PRG3: variants seen among roughly 807,000 people sequenced by gnomAD.
The protein encoded by PRG3 is proteoglycan 3.
In PRG3, 25 loss-of-function variants were observed where a neutral mutation model predicts 26.1. The ratio of observed to expected loss-of-function variants is 0.96; its 90% CI spans 0.70 to 1.34. PRG3 has a LOEUF of 1.34. PRG3 is among the 40% of genes most tolerant of loss of function. PRG3 has a pLI of 0.00. For missense variants in PRG3, 280 were observed against 264.8 expected, an observed-to-expected ratio of 1.06 and a Z score of -0.40; for synonymous variants, 111 against 100.4, an observed-to-expected ratio of 1.11 and a Z score of -0.63.
At chr11:57,377,423 C>T (rs1856954974) in intron 5 of PRG3, among the ~76,000 whole-genome samples, 1 of 152,170 alleles carries the variant, frequency 6.6e-6, no homozygotes, top group Admixed American at 6.5e-5. Flanking sequence ...CGCCTTATAT[C>T]CACTTCCGCT....
At position 57,378,076 on chromosome 11, in the gene PRG3, G is replaced by A. The variant is rs564810387; in HGVS notation, c.508-240C>T. Among the ~76,000 whole-genome samples the A allele has an allele frequency of 9.2e-5, 14 of 152,274 alleles. No individual in the cohort carries two copies. In the South Asian group the frequency reaches 2.7e-3, roughly 29 times the overall value. ...CTCCTGGGGATCTTGTTAAAATGGA[G>A]GTTCTGATTCAAGAGGTCTGTGGTG... On this transcript the variant is annotated intron_variant, in intron 4 of 5. Transcript: ENST00000287143.
At chr11:57,379,353 A>C in intron 3 of PRG3, 141 bp downstream of exon 3, 1 of 876,558 alleles carries the variant, frequency 1.1e-6, no homozygotes, top group African/African-American at 1.7e-5. Context: ...AGGCCCAGAA[A>C]GCTGTGTTTT....
rs143922292 is a variant in PRG3, at chr11:57,379,711, G to T, written c.158C>A (p.Thr53Lys). ...TCCCTCTGCCTGAATCACCTCCTCC[G>T]TCAGAGCCAAGTCTCTCTCCTGCTC... ...SKEQERDLAL[T>K]EEVIQAEGEE... Residue 53 changes from threonine (T) to lysine (K), a missense_variant, in exon 3 of 6, where the codon ACG becomes AAG. Transcript: ENST00000287143. 1.3e-4 allele frequency: 210 copies of T among 1,613,778 alleles called. No individual in the cohort carries two copies. Among genetic ancestry groups the T allele is most frequent in the Non-Finnish European group, 1.7e-4 (198 of 1,180,024 alleles).
At chr11:57,379,985 AC>A (rs1174467949) in intron 2 of PRG3, among the ~76,000 whole-genome samples, 178 bp from the exon 3 acceptor site, 2 of 152,168 alleles carry the variant, frequency 1.3e-5, no homozygotes, top group Non-Finnish European at 2.9e-5. Flanking sequence ...ATGGACAAGA[AC>A]CTGACTTCTG....
At chr11:57,380,416 C>CAAA (rs869309070) in intron 2 of PRG3, among the ~76,000 whole-genome samples, 3 of 10,594 alleles carry the variant, frequency 2.8e-4, no homozygotes, top group African/African-American at 4.3e-4. Context: ...AAACAAAAAA[C>CAAA]AAACAAAAAA....
intron 4 of PRG3, among the ~76,000 whole-genome samples, chr11:57,378,461 A>G (rs989256867): frequency 2.0e-5 from 3 of 152,204 alleles, no homozygotes; most frequent in Non-Finnish European, 4.4e-5. Context: ...TACTCCCACC[A>G]TGGCTGATGT....
intron 5 of PRG3, among the ~76,000 whole-genome samples, chr11:57,377,129 T>C (rs986248476): frequency 1.3e-5 from 2 of 152,192 alleles, no homozygotes; most frequent in Non-Finnish European, 2.9e-5. Flanking sequence ...GACTATTGCA[T>C]TTAATCCTTA....
Position 57,379,787 on chromosome 11 carries a change from C to T in PRG3, c.82G>A (p.Glu28Lys), listed in dbSNP as rs1337742620. ...LHLENDAPHL[E>K]SLETQADLGQ... ...AGGTCTGCCTGTGTCTCTAGGCTCT[C>T]CAGATGGGGGGCATCATTCTCTGGG... The change falls in exon 3 of 6, where the codon GAG becomes AAG. Residue 28 changes from glutamate (E) to lysine (K), a missense_variant. Transcript: ENST00000287143. The T allele has an allele frequency of 6.2e-7, 1 of 1,609,132 alleles. No individual in the cohort carries two copies. The highest frequency in any genetic ancestry group is 2.2e-5 in the East Asian group (1 of 44,812).
chr11:57,377,222 C>A (rs182550093), intron 5 of PRG3, among the ~76,000 whole-genome samples: 1 of 152,198 alleles, frequency 6.6e-6, no homozygotes, highest in Non-Finnish European at 1.5e-5. Context: ...AAACAACGTG[C>A]CTGTATCTCA....
At chr11:57,377,687 C>A (rs762357263) in intron 5 of PRG3, 38 bp downstream of exon 5, 1 of 1,537,134 alleles carries the variant, frequency 6.5e-7, no homozygotes, top group East Asian at 2.3e-5. Context: ...ATCCACTTTA[C>A]TATCCCTTCT....
intron 3 of PRG3, among the ~76,000 whole-genome samples, 154 bp downstream of exon 3, chr11:57,379,340 G>T (rs1856974732): frequency 6.6e-6 from 1 of 152,172 alleles, no homozygotes; most frequent in African/African-American, 2.4e-5. Context: ...AGTCGTGCAG[G>T]TGAGGCCCAG....
Position 57,376,886 on chromosome 11 carries a change from T to G in PRG3, c.642A>C (p.Gln214His). The change falls in exon 6 of 6, where the codon CAA becomes CAC. Residue 214 changes from glutamine to histidine, a missense_variant. Physicochemically the swap from Gln to His is conservative, Grantham distance 24. Transcript: ENST00000287143. Reference sequence around the variant, plus strand: ...AGACGAAGGGCAGTTGCTTGTCGCATTGAGCTCGTCGCCAATAACCTCCTA... The same window carrying G: ...AGACGAAGGGCAGTTGCTTGTCGCAGTGAGCTCGTCGCCAATAACCTCCTA... ...CTKGGYWRRA[Q>H]CDKQLPFVCS... The G allele has an allele frequency of 1.2e-6, 2 of 1,612,454 alleles. No homozygotes were observed. The highest frequency in any genetic ancestry group is 1.7e-6 in the Non-Finnish European group (2 of 1,179,832).
chr11:57,377,650 A>G, intron 5 of PRG3, 75 bp downstream of exon 5: 1 of 1,247,638 alleles, frequency 8.0e-7, no homozygotes. Context: ...AGGTGTGTTC[A>G]GGCAGCTCAA....
chr11:57,380,424 A>C (rs1422342425), intron 2 of PRG3, among the ~76,000 whole-genome samples: 2 of 145,590 alleles, frequency 1.4e-5, no homozygotes, highest in Non-Finnish European at 3.0e-5. Flanking sequence ...AACAAACAAA[A>C]AAAAAAACAA....
chr11:57,378,401 A>T (rs762470152), intron 4 of PRG3, among the ~76,000 whole-genome samples: 2 of 152,066 alleles, frequency 1.3e-5, no homozygotes, highest in Non-Finnish European at 2.9e-5. Context: ...GAGGATGGGG[A>T]GTAGAAAGGA....
Position 57,377,755 on chromosome 11 carries a change from G to C in PRG3, c.589C>G (p.Gln197Glu). Residue 197 changes from glutamine to glutamate, a missense_variant, in exon 5 of 6, where the codon CAA becomes GAA. By Grantham distance (29) the Gln-to-Glu change is conservative (BLOSUM62 2). Transcript: ENST00000287143. The part of the protein sequence containing the change: ...YWSPGQPGNG[Q>E]GSCVALCTKG... ...GTGCATAGGGCCACACAGGAGCCTT[G>C]CCCATTCCCAGGTTGCCCTGGGGAC... 1 of 1,613,058 alleles carries C rather than the reference G, an allele frequency of 6.2e-7. No individual in the cohort carries two copies. Among genetic ancestry groups the C allele is most frequent in the Middle Eastern group, 1.6e-4 (1 of 6,062 alleles).
In PRG3 at chr11:57,380,658, A is replaced by G. The variant is rs1411763429; in HGVS notation, c.51T>C (p.Ala17=). 6.3e-7 allele frequency: 1 copy of G among 1,579,480 alleles called. No homozygotes were observed. Among genetic ancestry groups the G allele is most frequent in the Non-Finnish European group, 8.6e-7 (1 of 1,167,416 alleles). Residue 17 remains alanine, a synonymous_variant, in exon 2 of 6, where the codon GCT becomes GCC. Coordinates refer to ENST00000287143, the MANE Select transcript of PRG3 (RefSeq NM_006093.4). The part of the protein sequence containing the change: ...LPFLLLGTVS[A]LHLENDAPHL... ...AAGGGAGAGACTTACCCAGATGAAG[A>G]GCAGAAACTGTTCCCAGCAGGAGAA...
At chr11:57,380,991 G>C (rs115340177) in intron 1 of PRG3, 123 bp downstream of exon 1, 2 of 261,902 alleles carry the variant, frequency 7.6e-6, no homozygotes, top group Non-Finnish European at 1.4e-5. Flanking sequence ...CTGCCCCTGC[G>C]GGGACAGGTC....
At chr11:57,380,486 C>T (rs955292153) in intron 2 of PRG3, among the ~76,000 whole-genome samples, 162 bp downstream of exon 2, 1 of 151,828 alleles carries the variant, frequency 6.6e-6, no homozygotes, top group African/African-American at 2.4e-5. Context: ...TTCCAGGTTA[C>T]AGTTCTGAGT....
Sources: allele counts gnomAD v4.1 joint callset (sites outside exome capture counted in the v4.1 genomes callset), GRCh38; gene constraint gnomAD v4.1.1; transcripts MANE v1.5; gene names NCBI Gene and HGNC (gene_info 2026-07-23, HGNC 2026-07-21).